Variants in SNX29 observed in about 807,000 individuals in gnomAD.
The protein encoded by SNX29 is sorting nexin 29.
Under a neutral mutation model 102.1 loss-of-function variants are expected in SNX29, and 78 were observed. The observed-to-expected ratio is 0.76, with a 90% CI of 0.64 to 0.92. The LOEUF (loss-of-function observed/expected upper bound fraction) is 0.92. Ranked by LOEUF, SNX29 falls within the 40% of genes least tolerant of loss-of-function variation. SNX29 has a pLI of 0.00. For synonymous variants in SNX29, 580 were observed against 414.5 expected (o/e 1.40, Z -4.85); for missense variants, 1,280 against 1,061.7 (o/e 1.21, Z -2.86).
intron 20 of SNX29, among the ~76,000 whole-genome samples, chr16:12,548,352 A>G (rs559953515): frequency 2.0e-5 from 3 of 152,008 alleles, no homozygotes; most frequent in Non-Finnish European, 4.4e-5. Context: ...GACAGTGGGC[A>G]CTCTGCACCC....
intron 14 of SNX29, among the ~76,000 whole-genome samples, chr16:12,224,344 G>C (rs1289595870): frequency 6.6e-6 from 1 of 151,860 alleles, no homozygotes; most frequent in Non-Finnish European, 1.5e-5. Flanking sequence ...ACTGTTTTTA[G>C]AGGGCCTGCC....
chr16:12,504,927 C>T (rs1413161891), intron 19 of SNX29, among the ~76,000 whole-genome samples: 2 of 152,074 alleles, frequency 1.3e-5, no homozygotes, highest in African/African-American at 4.8e-5. Flanking sequence ...CCATATTTTG[C>T]CTATTCATTC....
chr16:12,465,307 C>T (rs1407249123), intron 18 of SNX29, among the ~76,000 whole-genome samples: 4 of 152,318 alleles, frequency 2.6e-5, no homozygotes, highest in South Asian at 2.1e-4. Context: ...CTAGTGTCTA[C>T]AAGCTCATTC....
intron 20 of SNX29, among the ~76,000 whole-genome samples, chr16:12,565,874 A>C (rs1567218079): frequency 6.6e-6 from 1 of 152,188 alleles, no homozygotes; most frequent in Non-Finnish European, 1.5e-5. Context: ...CCCTGCTCAG[A>C]ACAACCTGAG....
chr16:12,205,640 G>A (rs2077027278), intron 14 of SNX29, among the ~76,000 whole-genome samples: 1 of 152,198 alleles, frequency 6.6e-6, no homozygotes, highest in African/African-American at 2.4e-5. Context: ...ACCTTGCCAT[G>A]CCTGTCTCCA....
rs2094490374 is a variant in SNX29, at chr16:12,388,029, G to C, written c.1900-10417G>C. ...TGTTAAAAATACACTCCATGCGTGT[G>C]GTTAACAGCAAATGGCCCAGTCATA... is the stretch of plus-strand genomic sequence containing the variant. On this transcript the variant is annotated intron_variant, in intron 16 of 20. Transcript: ENST00000566228. 4.6e-5 allele frequency among the ~76,000 whole-genome samples: 7 copies of C among 152,346 alleles called. No individual in the cohort carries two copies. The South Asian group carries it at 1.2e-3, about 27-fold the overall frequency.
Position 12,024,914 on chromosome 16 carries a change from G to C in SNX29, c.123-2406G>C, listed in dbSNP as rs553146800. On this transcript the variant is annotated intron_variant, in intron 3 of 20. Coordinates refer to ENST00000566228, the MANE Select transcript of SNX29 (RefSeq NM_032167.5). Reference sequence around the variant, plus strand: ...TTTTTTCTCTCTGAGACAGACCCCTGATCTAGGTCATTGTTGCTATGTGCC... The same window carrying C: ...TTTTTTCTCTCTGAGACAGACCCCTCATCTAGGTCATTGTTGCTATGTGCC... 2.6e-4 allele frequency among the ~76,000 whole-genome samples: 40 copies of C among 152,178 alleles called. No homozygotes were observed. The South Asian group carries it at 4.4e-3, about 17-fold the overall frequency.
At chr16:12,505,934 T>C (rs1379616070) in intron 19 of SNX29, among the ~76,000 whole-genome samples, 4 of 152,120 alleles carry the variant, frequency 2.6e-5, no homozygotes, top group Non-Finnish European at 5.9e-5. Context: ...ATTTTGTAGT[T>C]TTTCTATAGA....
chr16:12,008,812 G>A (rs964009260), intron 3 of SNX29, among the ~76,000 whole-genome samples: 1 of 150,660 alleles, frequency 6.6e-6, no homozygotes, highest in African/African-American at 2.5e-5. Context: ...CGCAATCTCA[G>A]TTCACTGCAA....
At chr16:12,485,113 CTTTCAAGG>C (rs2088162698) in intron 19 of SNX29, among the ~76,000 whole-genome samples, 1 of 152,234 alleles carries the variant, frequency 6.6e-6, no homozygotes, top group African/African-American at 2.4e-5. Flanking sequence ...AGTACATAAA[CTTTCAAGG>C]TGACTCGGGA....
chr16:12,513,666 A>G (rs934567156), intron 19 of SNX29, among the ~76,000 whole-genome samples: 3 of 152,142 alleles, frequency 2.0e-5, no homozygotes, highest in African/African-American at 7.2e-5. Context: ...CCTCATGAAT[A>G]TTTGGGGCCA....
chr16:12,088,636 A>G (rs570417033), intron 11 of SNX29, among the ~76,000 whole-genome samples: 3 of 152,290 alleles, frequency 2.0e-5, no homozygotes, highest in African/African-American at 7.2e-5. Context: ...TGTTTGCTGG[A>G]TCCCTTTTTC....
intron 11 of SNX29, among the ~76,000 whole-genome samples, chr16:12,121,381 C>A (rs2053964561): frequency 6.6e-6 from 1 of 152,258 alleles, no homozygotes; most frequent in Admixed American, 6.5e-5. Context: ...GAGAGTCCTG[C>A]AGAAGCCAGC....
rs114704072 is a variant in SNX29 at position 12,401,779 on chromosome 16, G to A, written c.1956-1669G>A. On this transcript the variant is annotated intron_variant, in intron 17 of 20. Transcript: ENST00000566228. ...TCTATCTCCAGTACCCAGAGTAGTG[G>A]CTTCTCAGTAAAACTTGTTTAATGA... Among the ~76,000 whole-genome samples the A allele has an allele frequency of 9.5e-3, 1,449 of 152,300 alleles. 23 individuals carry two copies. Among genetic ancestry groups the A allele is most frequent in the African/African-American group, 0.033 (1,369 of 41,544 alleles).
chr16:12,128,242 T>C (rs376045522), intron 12 of SNX29, among the ~76,000 whole-genome samples: 119 of 152,336 alleles, frequency 7.8e-4, no homozygotes, highest in Non-Finnish European at 1.1e-3. Context: ...GAAGAAGCCA[T>C]AGATTTTGTC....
chr16:12,202,257 C>G (rs965992283), intron 14 of SNX29, among the ~76,000 whole-genome samples: 2 of 151,438 alleles, frequency 1.3e-5, no homozygotes, highest in African/African-American at 4.9e-5. Context: ...TTTTTTTTCT[C>G]TCTCCAAGAG....
At chr16:12,215,010 G>T (rs145668390) in intron 14 of SNX29, among the ~76,000 whole-genome samples, 206 of 152,268 alleles carry the variant, frequency 1.4e-3, no homozygotes, top group African/African-American at 4.3e-3. Flanking sequence ...CTGGTCCCTG[G>T]TGGGTTATCA....
At chr16:12,115,256 C>T (rs2053648566) in intron 11 of SNX29, among the ~76,000 whole-genome samples, 1 of 152,064 alleles carries the variant, frequency 6.6e-6, no homozygotes, top group African/African-American at 2.4e-5. Context: ...CCCATCCTAT[C>T]TGTGGTAGGG....
chr16:12,127,424 CTTT>C (rs71139577), intron 12 of SNX29, among the ~76,000 whole-genome samples: 19 of 128,648 alleles, frequency 1.5e-4, no homozygotes, highest in Non-Finnish European at 9.7e-5. Context: ...CCTAGGCAGT[CTTT>C]TTTTTTTTTT....
Sources: allele counts gnomAD v4.1 joint callset (sites outside exome capture counted in the v4.1 genomes callset), GRCh38; gene constraint gnomAD v4.1.1; transcripts MANE v1.5; gene names NCBI Gene and HGNC (gene_info 2026-07-23, HGNC 2026-07-21).